RCAN1: variants seen among roughly 807,000 people sequenced by gnomAD.
The protein encoded by RCAN1 is calcipressin-1.
A neutral mutation model predicts 22.9 loss-of-function variants in RCAN1; 11 were observed. The ratio of observed to expected loss-of-function variants is 0.48; its 90% confidence interval spans 0.30 to 0.79. The LOEUF is 0.79. Ranked by LOEUF, RCAN1 falls within the 30% of genes least tolerant of loss-of-function variation. The probability of loss-of-function intolerance (pLI) is 0.06; values close to 1 mark genes in which losing one functional copy is unlikely to be tolerated. For missense variants in RCAN1, 291 were observed against 337.8 expected (o/e 0.86, Z 1.09); for synonymous variants, 136 against 142.3 (o/e 0.96, Z 0.32).
intron 1 of RCAN1, among the ~76,000 whole-genome samples, chr21:34,564,220 C>T (rs1986921707): frequency 1.3e-5 from 2 of 152,186 alleles, no homozygotes; most frequent in Non-Finnish European, 2.9e-5. Flanking sequence ...CTGACCACCT[C>T]CACCTGGTCC....
chr21:34,520,092 G>T (rs561265075), intron 3 of RCAN1, among the ~76,000 whole-genome samples: 24 of 152,104 alleles, frequency 1.6e-4, no homozygotes, highest in Admixed American at 7.9e-4. Context: ...CAAAATCTCC[G>T]CAATCCTGTT....
intron 1 of RCAN1, among the ~76,000 whole-genome samples, chr21:34,536,072 AT>A: frequency 6.6e-6 from 1 of 152,252 alleles, no homozygotes; most frequent in Middle Eastern, 3.4e-3. Context: ...CTTATTCCGT[AT>A]TGCCTCAATC....
At position 34,520,390 on chromosome 21, in the gene RCAN1, G is replaced by C. The variant is rs1356468264; in HGVS notation, c.586+1109C>G. Among the ~76,000 whole-genome samples, 3 of 151,988 alleles carry C rather than the reference G, an allele frequency of 2.0e-5. No individual in the cohort carries two copies. In the East Asian group the frequency reaches 5.8e-4, roughly 29 times the overall value. ...TGCCCCCGGGCCAGGAGCTGCTGTG[G>C]GGGGAGCACACGCTTCCTCAAAATG... On this transcript the variant is annotated intron_variant, in intron 3 of 3. Coordinates refer to ENST00000313806, the MANE Select transcript of RCAN1 (RefSeq NM_004414.7).
intron 1 of RCAN1, among the ~76,000 whole-genome samples, chr21:34,571,274 C>A (rs1987226294): frequency 6.6e-6 from 1 of 152,122 alleles, no homozygotes; most frequent in Non-Finnish European, 1.5e-5. Context: ...GCCTGGGCAA[C>A]AAGAGCGAAA....
chr21:34,567,303 A>C (rs143577072), intron 1 of RCAN1, among the ~76,000 whole-genome samples: 2 of 152,174 alleles, frequency 1.3e-5, no homozygotes, highest in Admixed American at 6.5e-5. Context: ...GAGACCATCC[A>C]GGCTAACATG....
intron 1 of RCAN1, among the ~76,000 whole-genome samples, chr21:34,565,839 T>C (rs1986983299): frequency 6.6e-6 from 1 of 152,188 alleles, no homozygotes; most frequent in Non-Finnish European, 1.5e-5. Context: ...CACTTCACAG[T>C]ATCTCTTCCC....
intron 1 of RCAN1, among the ~76,000 whole-genome samples, chr21:34,609,024 C>G (rs982645791): frequency 2.0e-5 from 3 of 152,098 alleles, no homozygotes; most frequent in Non-Finnish European, 4.4e-5. Flanking sequence ...AAAAACCTAC[C>G]CCAACTATAT....
chr21:34,590,465 T>C (rs1987934634), intron 1 of RCAN1, among the ~76,000 whole-genome samples: 1 of 152,252 alleles, frequency 6.6e-6, no homozygotes, highest in Non-Finnish European at 1.5e-5. Context: ...ACTTTATTAC[T>C]CTGATCTAGA....
chr21:34,540,343 G>C (rs1057419260), intron 1 of RCAN1, among the ~76,000 whole-genome samples: 1 of 152,158 alleles, frequency 6.6e-6, no homozygotes, highest in East Asian at 1.9e-4. Flanking sequence ...GGGGCTGGGT[G>C]CTGCCTACGT....
chr21:34,566,948 T>C (rs181174798), intron 1 of RCAN1, among the ~76,000 whole-genome samples: 4 of 152,224 alleles, frequency 2.6e-5, no homozygotes, highest in Admixed American at 1.3e-4. Context: ...ATGAGGGATC[T>C]ACCCCCTTGA....
intron 1 of RCAN1, among the ~76,000 whole-genome samples, chr21:34,572,204 A>C (rs1450583202): frequency 2.0e-5 from 3 of 152,162 alleles, no homozygotes; most frequent in African/African-American, 7.2e-5. Flanking sequence ...TCGAATTAAA[A>C]ATTCCAGGAG....
intron 1 of RCAN1, among the ~76,000 whole-genome samples, chr21:34,596,417 A>G (rs141519496): frequency 6.6e-6 from 1 of 152,280 alleles, no homozygotes; most frequent in African/African-American, 2.4e-5. Context: ...GAAAGAGAGA[A>G]AGAGTTGGCT....
At chr21:34,521,324 G>C (rs1984511754) in intron 3 of RCAN1, 175 bp downstream of exon 3, 1 of 1,487,022 alleles carries the variant, frequency 6.7e-7, no homozygotes, top group Admixed American at 2.2e-5. Context: ...GTGGTGCCAA[G>C]AGGCAGGCAT....
intron 1 of RCAN1, among the ~76,000 whole-genome samples, chr21:34,547,587 A>G (rs1042868968): frequency 6.6e-6 from 1 of 152,192 alleles, no homozygotes; most frequent in Middle Eastern, 3.2e-3. Context: ...CTTAATTGCC[A>G]TTTTAACAGT....
rs930140363 is a variant in RCAN1, at chr21:34,581,972, T to A, written c.252+32788A>T. Among the ~76,000 whole-genome samples, 3 of 151,976 alleles carry A rather than the reference T, an allele frequency of 2.0e-5. No homozygotes were observed. The East Asian group carries it at 5.8e-4, about 29-fold the overall frequency. ...GCCGATCTCTTTCAAGCCAGACGAGTCATCTACCCTTGTGGGTAGCTTCTC... is the reference window on the plus strand; with the variant it reads ...GCCGATCTCTTTCAAGCCAGACGAGACATCTACCCTTGTGGGTAGCTTCTC... On this transcript the variant is annotated intron_variant, in intron 1 of 3. Coordinates refer to ENST00000313806, the MANE Select transcript of RCAN1 (RefSeq NM_004414.7).
At chr21:34,604,950 C>G (rs1318032840) in intron 1 of RCAN1, among the ~76,000 whole-genome samples, 3 of 152,216 alleles carry the variant, frequency 2.0e-5, no homozygotes, top group Non-Finnish European at 4.4e-5. Context: ...CCAGGCACTG[C>G]CTTCCACCTG....
In RCAN1 at chr21:34,536,133, G is replaced by A. The variant is rs896351854; in HGVS notation, c.253-12423C>T. 9.2e-5 allele frequency among the ~76,000 whole-genome samples: 14 copies of A among 152,122 alleles called. No homozygotes were observed. The South Asian group carries it at 1.9e-3, about 20-fold the overall frequency. ...CACCCCACTGTAACTTCTTGGAAACGCACTGCTTGCAATGTTTAAGATGAA... is the reference window on the plus strand; with the variant it reads ...CACCCCACTGTAACTTCTTGGAAACACACTGCTTGCAATGTTTAAGATGAA... On this transcript the variant is annotated intron_variant, in intron 1 of 3. Transcript: ENST00000313806.
intron 1 of RCAN1, among the ~76,000 whole-genome samples, chr21:34,558,405 C>T (rs1184741352): frequency 6.6e-6 from 1 of 152,128 alleles, no homozygotes; most frequent in African/African-American, 2.4e-5. Context: ...CCACCTCCAC[C>T]GTGACTGAGA....
chr21:34,533,086 G>T (rs983625475), intron 1 of RCAN1, among the ~76,000 whole-genome samples: 1 of 150,304 alleles, frequency 6.7e-6, no homozygotes, highest in African/African-American at 2.5e-5. Context: ...TCAGCCTCCC[G>T]AGTAGCTGGG....
Sources: gnomAD v4.1 joint callset for allele counts (sites outside exome capture counted in the v4.1 genomes callset) on GRCh38, gnomAD v4.1.1 for gene constraint, MANE v1.5 for transcripts, NCBI Gene and HGNC (gene_info 2026-07-23, HGNC 2026-07-21) for gene names.